The following TENM2 variants were observed in gnomAD, a reference collection of about 807,000 sequenced individuals.
The protein encoded by TENM2 is teneurin-2.
In TENM2, 52 loss-of-function variants were observed where a neutral mutation model predicts 245.2. That is an observed-to-expected ratio of 0.21 (90% CI 0.17 to 0.27). TENM2 has a LOEUF of 0.27. TENM2 is among the 10% of genes least tolerant of loss of function. The pLI is 1.00. For missense variants in TENM2, 3,046 were observed against 3,666.8 expected, an observed-to-expected ratio of 0.83 and a Z score of 4.37; for synonymous variants, 1,363 against 1,438.9, an observed-to-expected ratio of 0.95 and a Z score of 1.19.
At chr5:167,507,698 A>G (rs772558073) in intron 2 of TENM2, among the ~76,000 whole-genome samples, 12 of 152,128 alleles carry the variant, frequency 7.9e-5, no homozygotes, top group Non-Finnish European at 1.3e-4. Context: ...GCAGAGCTCA[A>G]TGAAAACTAA....
chr5:168,127,860 G>A (rs528226684), intron 12 of TENM2, among the ~76,000 whole-genome samples: 28 of 152,278 alleles, frequency 1.8e-4, no homozygotes, highest in African/African-American at 5.3e-4. Flanking sequence ...TCTCAAAGAC[G>A]TTTCCAGCCA....
At chr5:167,972,545 G>A (rs542480167) in intron 4 of TENM2, among the ~76,000 whole-genome samples, 7 of 151,796 alleles carry the variant, frequency 4.6e-5, no homozygotes, top group Admixed American at 3.3e-4. Flanking sequence ...ATCTTTCTTT[G>A]CATACTTATA....
At chr5:167,370,437 A>C (rs1157976224) in intron 1 of TENM2, among the ~76,000 whole-genome samples, 1 of 151,686 alleles carries the variant, frequency 6.6e-6, no homozygotes, top group African/African-American at 2.4e-5. Context: ...AACGTCCAAG[A>C]TATTTATCAA....
rs116461674 is a variant in TENM2 at position 167,428,504 on chromosome 5, T to C, written c.502+53031T>C. 5.3e-3 allele frequency among the ~76,000 whole-genome samples: 814 copies of C among 152,340 alleles called. 4 individuals are homozygous for C. Among genetic ancestry groups the C allele is most frequent in the African/African-American group, 0.019 (777 of 41,584 alleles). On this transcript the variant is annotated intron_variant, in intron 2 of 28. Coordinates refer to ENST00000518659, the Ensembl canonical transcript of TENM2. ...GTAAAACTGTAAGCTTCTTTCTTCC[T>C]TTTTTATTTTATATATGCTCATTCA...
chr5:168,057,772 T>C (rs1418338693), intron 6 of TENM2, among the ~76,000 whole-genome samples: 2 of 152,192 alleles, frequency 1.3e-5, no homozygotes. Flanking sequence ...AAATTTCATA[T>C]AGAGCTTCTA....
intron 5 of TENM2, among the ~76,000 whole-genome samples, chr5:168,016,946 G>C (rs1344765052): frequency 1.3e-5 from 2 of 152,218 alleles, no homozygotes; most frequent in Non-Finnish European, 1.5e-5. Flanking sequence ...TGTTAGAAGA[G>C]ATTAGAGTTG....
chr5:167,305,411 G>A (rs1401621275), intron 1 of TENM2, among the ~76,000 whole-genome samples: 6 of 152,138 alleles, frequency 3.9e-5, no homozygotes, highest in Non-Finnish European at 8.8e-5. Context: ...AGTGGCTAAC[G>A]AAAACAGTAA....
rs10657967 is a variant in TENM2, at chr5:167,552,919, TAATGAATG to T, written c.502+177470_502+177477del. 2.0e-3 allele frequency among the ~76,000 whole-genome samples: 308 copies of T among 150,680 alleles called. 1 individual carries two copies. Among genetic ancestry groups the T allele is most frequent in the African/African-American group, 4.4e-3 (181 of 41,046 alleles). On this transcript the variant is annotated intron_variant, in intron 2 of 28. Transcript: ENST00000518659. The stretch of plus-strand genomic sequence containing the variant: ...GTGCTGATGTGCAATGGTAAGTTAA[TAATGAATG>T]AATGAATGAATGAATGAATGAATAA...
intron 2 of TENM2, among the ~76,000 whole-genome samples, chr5:167,589,661 A>AGTTT (rs72192255): frequency 2.6e-5 from 4 of 152,098 alleles, no homozygotes; most frequent in East Asian, 1.9e-4. Flanking sequence ...ATCCCATCCA[A>AGTTT]GTTTGTTTGT....
At chr5:167,366,029 G>A (rs1400389770) in intron 1 of TENM2, among the ~76,000 whole-genome samples, 2 of 151,896 alleles carry the variant, frequency 1.3e-5, no homozygotes, top group Admixed American at 1.3e-4. Flanking sequence ...ATACATAAGG[G>A]TAGAAATTGA....
chr5:167,202,689 A>G, the TENM2 span, among the ~76,000 whole-genome samples: 1 of 152,046 alleles, frequency 6.6e-6, no homozygotes, highest in African/African-American at 2.4e-5. Flanking sequence ...TGGGAGTACA[A>G]AATCCTGAGA....
At chr5:167,538,436 T>C (rs1771989852) in intron 2 of TENM2, among the ~76,000 whole-genome samples, 1 of 152,184 alleles carries the variant, frequency 6.6e-6, no homozygotes, top group Non-Finnish European at 1.5e-5. Flanking sequence ...GGTGATGTCT[T>C]GATTGGGTAT....
chr5:168,256,401 T>G (rs373514707), intron 27 of TENM2, among the ~76,000 whole-genome samples: 22 of 151,100 alleles, frequency 1.5e-4, no homozygotes, highest in African/African-American at 4.8e-4. Context: ...TTAACGTACT[T>G]TTTAAGGGAA....
intron 2 of TENM2, among the ~76,000 whole-genome samples, chr5:167,817,436 A>T (rs1767146569): frequency 6.6e-6 from 1 of 152,230 alleles, no homozygotes; most frequent in Non-Finnish European, 1.5e-5. Flanking sequence ...CTTCAAAGAT[A>T]TTAATAACTT....
intron 9 of TENM2, among the ~76,000 whole-genome samples, chr5:168,106,395 A>G (rs1216772541): frequency 6.6e-6 from 1 of 152,064 alleles, no homozygotes; most frequent in Non-Finnish European, 1.5e-5. Context: ...AGTTCTTACT[A>G]TATACGCCAA....
the TENM2 span, among the ~76,000 whole-genome samples, chr5:166,983,371 C>T: frequency 6.6e-6 from 1 of 152,072 alleles, no homozygotes; most frequent in Admixed American, 6.5e-5. Context: ...TTCGTTTTTA[C>T]TGCCAGACTT....
chr5:167,428,935 C>G (rs1764042349), intron 2 of TENM2, among the ~76,000 whole-genome samples: 1 of 152,150 alleles, frequency 6.6e-6, no homozygotes, highest in Non-Finnish European at 1.5e-5. Context: ...TGTTCCATCA[C>G]TATTAAAAAT....
At chr5:167,227,850 A>G in the TENM2 span, among the ~76,000 whole-genome samples, 2 of 151,888 alleles carry the variant, frequency 1.3e-5, no homozygotes, top group Non-Finnish European at 2.9e-5. Flanking sequence ...AGGTTTTCCA[A>G]CCCTTTCATT....
intron 2 of TENM2, among the ~76,000 whole-genome samples, chr5:167,679,276 G>T (rs1327832759): frequency 6.6e-6 from 1 of 152,036 alleles, no homozygotes; most frequent in Non-Finnish European, 1.5e-5. Flanking sequence ...AAGCTGTATT[G>T]CTGTAAGATT....
Sources: gnomAD v4.1 joint callset for allele counts (sites outside exome capture counted in the v4.1 genomes callset) on GRCh38, gnomAD v4.1.1 for gene constraint, MANE v1.5 for transcripts, NCBI Gene and HGNC (gene_info 2026-07-23, HGNC 2026-07-21) for gene names.